Variants in SLC12A2 observed in about 807,000 individuals in gnomAD.
SLC12A2 encodes the protein solute carrier family 12 member 2, also known as Na-K-2Cl cotransporter 1.
SLC12A2 carries 67 observed loss-of-function variants against 136.3 expected under a neutral mutation model. The ratio of observed to expected loss-of-function variants is 0.49; its 90% confidence interval spans 0.40 to 0.60. The LOEUF (loss-of-function observed/expected upper bound fraction) is 0.60, where lower values mean the gene tolerates loss of function less well. Ranked by LOEUF, SLC12A2 falls within the 20% of genes least tolerant of loss-of-function variation. SLC12A2 has a pLI of 0.00. For missense variants in SLC12A2, 1,322 were observed against 1,534.7 expected, an observed-to-expected ratio of 0.86 and a Z score of 2.32; for synonymous variants, 619 against 562.9, an observed-to-expected ratio of 1.10 and a Z score of -1.41.
rs115987273 is a variant in SLC12A2, at chr5:128,184,487, C to A, written c.3421C>A (p.Leu1141Ile). The A allele has an allele frequency of 3.1e-5, 50 of 1,596,960 alleles. 1 individual carries two copies. The highest frequency in any genetic ancestry group is 3.4e-4 in the Middle Eastern group (2 of 5,958). ...GCGAATAACAGATAATGAGCTTGAA[C>A]TTTATAAGACCAAGGTATTCTCTTC... is the stretch of plus-strand genomic sequence containing the variant. ...PWRITDNELE[L>I]YKTKTYRQIR... Residue 1141 changes from leucine (L) to isoleucine (I), a missense_variant, in exon 25 of 27, where the codon CTT becomes ATT. Physicochemically the swap from Leu to Ile is conservative, Grantham distance 5. Coordinates refer to ENST00000262461, the MANE Select transcript of SLC12A2 (RefSeq NM_001046.3).
chr5:128,108,667 G>A (rs72794368), intron 1 of SLC12A2, among the ~76,000 whole-genome samples: 1,574 of 152,216 alleles, frequency 0.01, 14 homozygotes, highest in Non-Finnish European at 0.016. Flanking sequence ...ATTTCTTTTC[G>A]GGGTGATAAA....
chr5:128,083,768 A>G lies in SLC12A2; in HGVS notation c.-187A>G, dbSNP rs1163209749. ...GCGGGGCCCGCCCCGCGCCCGCCAC[A>G]CTCGCGCGCTCGCTCGGCTGCCGGT... On this transcript the variant is annotated 5_prime_UTR_variant, in exon 1 of 27. Coordinates refer to ENST00000262461, the MANE Select transcript of SLC12A2 (RefSeq NM_001046.3). 2 of 382,108 alleles carry G rather than the reference A, an allele frequency of 5.2e-6. No homozygotes were observed. Among genetic ancestry groups the G allele is most frequent in the East Asian group, 8.2e-5 (2 of 24,332 alleles). The allele number at this position is 382,108 out of a possible 1,614,324, so 23.7% of individuals were successfully genotyped here.
At chr5:128,175,115 T>C (rs1763498072) in intron 20 of SLC12A2, among the ~76,000 whole-genome samples, 1 of 152,068 alleles carries the variant, frequency 6.6e-6, no homozygotes, top group Non-Finnish European at 1.5e-5. Context: ...CTGTTCAGTC[T>C]AGTATCTCCA....
chr5:128,163,719 TA>T lies in SLC12A2; in HGVS notation c.2616+1924del, dbSNP rs1763115690. On this transcript the variant is annotated intron_variant, in intron 17 of 26. Transcript: ENST00000262461. ...AGTGCTTAGGAAAAATAGCAAGTTT[TA>T]AAAAGTATATGAACAATATGAAGAT... 2.0e-5 allele frequency among the ~76,000 whole-genome samples: 3 copies of T among 152,094 alleles called. No homozygotes were observed. In the South Asian group the frequency reaches 6.2e-4, roughly 31 times the overall value.
intron 4 of SLC12A2, among the ~76,000 whole-genome samples, chr5:128,120,598 C>T (rs1761524092): frequency 6.6e-6 from 1 of 151,084 alleles, no homozygotes; most frequent in South Asian, 2.1e-4. Context: ...TCTCAGTAAA[C>T]TATCGCAAGG....
At chr5:128,126,872 T>C (rs1761812202) in intron 4 of SLC12A2, among the ~76,000 whole-genome samples, 1 of 148,860 alleles carries the variant, frequency 6.7e-6, no homozygotes, top group Non-Finnish European at 1.5e-5. Context: ...TGGTGAATTT[T>C]GTCATGATTC....
intron 15 of SLC12A2, among the ~76,000 whole-genome samples, chr5:128,153,489 A>C (rs937985730): frequency 6.6e-6 from 1 of 152,212 alleles, no homozygotes; most frequent in African/African-American, 2.4e-5. Context: ...CAGGAGGCGG[A>C]GGTTGCAGTG....
intron 18 of SLC12A2, 28 bp from the exon 19 acceptor site, chr5:128,171,639 T>G (rs763829698): frequency 5.4e-6 from 8 of 1,494,848 alleles, no homozygotes; most frequent in Non-Finnish European, 6.4e-6. Context: ...TTTTTTGGTT[T>G]TTTCATTTTT....
At chr5:128,100,948 C>T (rs1299352796) in intron 1 of SLC12A2, among the ~76,000 whole-genome samples, 3 of 152,108 alleles carry the variant, frequency 2.0e-5, no homozygotes, top group Admixed American at 2.0e-4. Context: ...ACATGATGGG[C>T]TAGGTAGAGG....
chr5:128,174,412 G>T, intron 19 of SLC12A2, 129 bp from the exon 20 acceptor site: 1 of 631,634 alleles, frequency 1.6e-6, no homozygotes, highest in Non-Finnish European at 2.6e-6. Flanking sequence ...GATTATCATA[G>T]TTGTTTAAAT....
chr5:128,163,156 A>G (rs185683247), intron 17 of SLC12A2, among the ~76,000 whole-genome samples: 1 of 152,140 alleles, frequency 6.6e-6, no homozygotes, highest in African/African-American at 2.4e-5. Context: ...ATGTCCTGCA[A>G]ATTTGGTTTG....
intron 1 of SLC12A2, among the ~76,000 whole-genome samples, chr5:128,092,372 G>A (rs750749616): frequency 2.9e-4 from 44 of 152,126 alleles, no homozygotes; most frequent in Non-Finnish European, 5.0e-4. Context: ...TAGGGCTGAC[G>A]GTCTTGGAAA....
At chr5:128,155,770 A>T (rs756986559) in intron 15 of SLC12A2, among the ~76,000 whole-genome samples, 1 of 152,152 alleles carries the variant, frequency 6.6e-6, no homozygotes, top group Non-Finnish European at 1.5e-5. Context: ...CTTAATGTAG[A>T]TTAATGTGGC....
Position 128,167,797 on chromosome 5 carries a change from G to C in SLC12A2, c.2653G>C (p.Val885Leu), listed in dbSNP as rs1763249207. The C allele has an allele frequency of 6.2e-7, 1 of 1,610,350 alleles. No homozygotes were observed. The highest frequency in any genetic ancestry group is 2.2e-5 in the East Asian group (1 of 44,596). The part of the protein sequence containing the change: ...GLGRMKPNTL[V>L]LGFKKDWLQA... Reference sequence around the variant, plus strand: ...TGGTCGTATGAAGCCAAACACACTTGTCCTTGGATTTAAGAAAGATTGGTT... The same window carrying C: ...TGGTCGTATGAAGCCAAACACACTTCTCCTTGGATTTAAGAAAGATTGGTT... Residue 885 changes from valine to leucine, a missense_variant, in exon 18 of 27, where the codon GTC (valine) becomes CTC (leucine). By Grantham distance (32) the Val-to-Leu change is conservative. Coordinates refer to ENST00000262461, the MANE Select transcript of SLC12A2 (RefSeq NM_001046.3).
intron 1 of SLC12A2, chr5:128,110,948 A>C: frequency 4.8e-6 from 4 of 831,128 alleles, no homozygotes; most frequent in Non-Finnish European, 8.5e-6. Context: ...ACTGAGAATG[A>C]CCTCTTCCCT....
At chr5:128,095,154 C>T (rs188408888) in intron 1 of SLC12A2, among the ~76,000 whole-genome samples, 1 of 152,186 alleles carries the variant, frequency 6.6e-6, no homozygotes, top group East Asian at 1.9e-4. Context: ...ACATTAGGTT[C>T]TCAATGAAGT....
chr5:128,186,613 C>A lies in SLC12A2; in HGVS notation c.3621C>A (p.Val1207=), dbSNP rs1379658166. 2 of 1,613,946 alleles carry A rather than the reference C, an allele frequency of 1.2e-6. No individual in the cohort carries two copies. Among genetic ancestry groups the A allele is most frequent in the Non-Finnish European group, 1.7e-6 (2 of 1,179,902 alleles). The change falls in exon 27 of 27, where the codon GTC becomes GTA. Residue 1207 remains valine, a synonymous_variant. Coordinates refer to ENST00000262461, the MANE Select transcript of SLC12A2 (RefSeq NM_001046.3). The stretch of plus-strand genomic sequence containing the variant: ...TAGTTCGTGGGAATCATCAGAGTGT[C>A]CTTACCTTCTATTCATAAATGTTCT... The part of the protein sequence containing the change: ...ILLVRGNHQS[V]LTFYS
chr5:128,147,332 C>T (rs1225576761), intron 10 of SLC12A2, among the ~76,000 whole-genome samples: 4 of 151,484 alleles, frequency 2.6e-5, no homozygotes, highest in African/African-American at 7.3e-5. Flanking sequence ...GGGAATAGCC[C>T]TAAGTTGATC....
chr5:128,135,900 A>AC (rs1762176218), intron 7 of SLC12A2, 92 bp downstream of exon 7: 1 of 773,048 alleles, frequency 1.3e-6, no homozygotes, highest in East Asian at 2.7e-5. Context: ...ATTTTGTAAC[A>AC]GAATTGACTA....
Sources: allele counts gnomAD v4.1 joint callset (sites outside exome capture counted in the v4.1 genomes callset), GRCh38; gene constraint gnomAD v4.1.1; transcripts MANE v1.5; gene names NCBI Gene and HGNC (gene_info 2026-07-23, HGNC 2026-07-21).